The following INPP4B variants were observed in gnomAD, a reference collection of about 807,000 sequenced individuals.
INPP4B encodes the protein inositol polyphosphate-4-phosphatase type II B.
A neutral mutation model predicts 122.5 loss-of-function variants in INPP4B; 55 were observed. The ratio of observed to expected loss-of-function variants is 0.45; its 90% CI spans 0.36 to 0.56. The LOEUF is 0.56. INPP4B is among the 20% of genes least tolerant of loss of function. The pLI, the probability that INPP4B is intolerant of heterozygous loss-of-function variation, is 0.00. For missense variants in INPP4B, 1,000 were observed against 1,097.7 expected, an observed-to-expected ratio of 0.91 and a Z score of 1.26; for synonymous variants, 403 against 388.7, an observed-to-expected ratio of 1.04 and a Z score of -0.43.
chr4:142,117,264 C>A (rs1468689162), intron 21 of INPP4B, among the ~76,000 whole-genome samples: 1 of 152,092 alleles, frequency 6.6e-6, no homozygotes, highest in Non-Finnish European at 1.5e-5. Flanking sequence ...CCTTCTGAAA[C>A]CATTCCAATC....
At chr4:142,342,149 C>A (rs746119736) in intron 7 of INPP4B, among the ~76,000 whole-genome samples, 1 of 152,058 alleles carries the variant, frequency 6.6e-6, no homozygotes, top group Non-Finnish European at 1.5e-5. Flanking sequence ...AGAGTAGTTG[C>A]GAGCATTTAA....
At chr4:142,258,007 A>C (rs964341757) in intron 11 of INPP4B, among the ~76,000 whole-genome samples, 34 of 152,288 alleles carry the variant, frequency 2.2e-4, no homozygotes, top group African/African-American at 7.7e-4. Flanking sequence ...AAACAGAGAT[A>C]TAGATCAATG....
chr4:142,290,553 GC>G (rs1321711844), intron 9 of INPP4B, among the ~76,000 whole-genome samples: 1 of 151,988 alleles, frequency 6.6e-6, no homozygotes, highest in African/African-American at 2.4e-5. Context: ...CTCAACTCTT[GC>G]CTCATTGGAC....
At chr4:142,377,307 G>T (rs1294257364) in intron 7 of INPP4B, among the ~76,000 whole-genome samples, 1 of 151,526 alleles carries the variant, frequency 6.6e-6, no homozygotes, top group Non-Finnish European at 1.5e-5. Flanking sequence ...AGGAAGCAAA[G>T]TAGGATTGTG....
chr4:142,381,129 A>G lies in INPP4B; in HGVS notation c.372+21809T>C, dbSNP rs115650787. Reference sequence around the variant, plus strand: ...TATGAGGTTCAAAATTAAGAGTAACATTGCTGGATCAAAATGTACACTTAT... The same window carrying G: ...TATGAGGTTCAAAATTAAGAGTAACGTTGCTGGATCAAAATGTACACTTAT... On this transcript the variant is annotated intron_variant, in intron 7 of 25. Transcript: ENST00000262992. 5.3e-3 allele frequency among the ~76,000 whole-genome samples: 808 copies of G among 152,268 alleles called. 5 individuals carry two copies. Among genetic ancestry groups the G allele is most frequent in the African/African-American group, 0.018 (768 of 41,566 alleles).
intron 7 of INPP4B, among the ~76,000 whole-genome samples, chr4:142,369,127 A>G (rs1252206887): frequency 6.6e-6 from 1 of 152,140 alleles, no homozygotes; most frequent in Non-Finnish European, 1.5e-5. Context: ...CAGGGGTTAC[A>G]CTTGTGTGGG....
At chr4:142,812,004 T>C (rs1779575124) in intron 1 of INPP4B, among the ~76,000 whole-genome samples, 2 of 152,192 alleles carry the variant, frequency 1.3e-5, no homozygotes, top group South Asian at 4.1e-4. Flanking sequence ...ACATCTTTTT[T>C]GAGAATCTCC....
intron 7 of INPP4B, chr4:142,384,140 T>C (rs1213398515): frequency 1.6e-5 from 11 of 701,894 alleles, no homozygotes; most frequent in Middle Eastern, 2.3e-4. Context: ...GTGTGATCAG[T>C]AAGTTTCCAA....
chr4:142,654,842 G>C (rs866575765), intron 2 of INPP4B, among the ~76,000 whole-genome samples: 1 of 152,174 alleles, frequency 6.6e-6, no homozygotes, highest in Non-Finnish European at 1.5e-5. Flanking sequence ...TGCAGATCCT[G>C]TCTTCAAAAT....
chr4:142,347,324 G>A (rs1032770691), intron 7 of INPP4B: 8 of 193,238 alleles, frequency 4.1e-5, no homozygotes, highest in African/African-American at 1.9e-4. Context: ...CATAAAAAAA[G>A]TCTGAGGAGT....
At chr4:142,406,999 G>A (rs1803548097) in intron 5 of INPP4B, among the ~76,000 whole-genome samples, 1 of 151,868 alleles carries the variant, frequency 6.6e-6, no homozygotes, top group African/African-American at 2.4e-5. Context: ...AAGACCCACC[G>A]CCACACCACG....
At chr4:142,606,916 C>T (rs912419372) in intron 2 of INPP4B, among the ~76,000 whole-genome samples, 1 of 151,660 alleles carries the variant, frequency 6.6e-6, no homozygotes, top group Non-Finnish European at 1.5e-5. Flanking sequence ...TTTACTTTTG[C>T]TTTTTTACTT....
chr4:142,482,900 T>A (rs1251376937), intron 2 of INPP4B, among the ~76,000 whole-genome samples: 1 of 152,166 alleles, frequency 6.6e-6, no homozygotes, highest in Non-Finnish European at 1.5e-5. Context: ...CATGTGCATT[T>A]TAAAATAATT....
chr4:142,422,937 G>A (rs1807248994), intron 5 of INPP4B, among the ~76,000 whole-genome samples: 2 of 152,136 alleles, frequency 1.3e-5, no homozygotes, highest in Non-Finnish European at 2.9e-5. Context: ...TTAGCCGTTG[G>A]TTCTCTTATT....
chr4:142,316,491 A>T (rs1261862492), intron 7 of INPP4B, among the ~76,000 whole-genome samples: 1 of 151,994 alleles, frequency 6.6e-6, no homozygotes, highest in Non-Finnish European at 1.5e-5. Flanking sequence ...ATAGTTTGTT[A>T]TACTACATAT....
chr4:142,659,266 C>A (rs562136223), intron 2 of INPP4B, among the ~76,000 whole-genome samples: 1 of 151,350 alleles, frequency 6.6e-6, no homozygotes, highest in Non-Finnish European at 1.5e-5. Context: ...ATTAGCCAGG[C>A]GTGGTGGCAG....
At chr4:142,116,168 C>T (rs2152723665) in intron 21 of INPP4B, among the ~76,000 whole-genome samples, 1 of 152,252 alleles carries the variant, frequency 6.6e-6, no homozygotes, top group Non-Finnish European at 1.5e-5. Flanking sequence ...AAAGCAAGTC[C>T]TTTGAGAAAT....
At chr4:142,177,018 C>A (rs758390446) in intron 15 of INPP4B, among the ~76,000 whole-genome samples, 9 of 152,086 alleles carry the variant, frequency 5.9e-5, no homozygotes, top group Non-Finnish European at 1.3e-4. Context: ...CTTTTCCCTC[C>A]CAATATATTC....
intron 2 of INPP4B, among the ~76,000 whole-genome samples, chr4:142,539,359 G>C (rs989603373): frequency 6.6e-6 from 1 of 151,852 alleles, no homozygotes; most frequent in Non-Finnish European, 1.5e-5. Flanking sequence ...TCTGTGTTTA[G>C]TCAACCAACC....
Sources: allele counts gnomAD v4.1 joint callset (sites outside exome capture counted in the v4.1 genomes callset), GRCh38; gene constraint gnomAD v4.1.1; transcripts MANE v1.5; gene names NCBI Gene and HGNC (gene_info 2026-07-23, HGNC 2026-07-21).